The following PDLIM5 variants were observed in gnomAD, a reference collection of about 807,000 sequenced individuals.
PDLIM5 encodes the protein PDZ and LIM domain 5.
Under a neutral mutation model 64.2 loss-of-function variants are expected in PDLIM5, and 34 were observed. That is an observed-to-expected ratio of 0.53 (90% CI 0.40 to 0.71). PDLIM5 has a LOEUF of 0.71. PDLIM5 is among the 30% of genes least tolerant of loss of function. PDLIM5 has a pLI of 0.00. For synonymous variants in PDLIM5, 253 were observed against 269.1 expected, an observed-to-expected ratio of 0.94 and a Z score of 0.59; for missense variants, 683 against 733.6, an observed-to-expected ratio of 0.93 and a Z score of 0.80.
intron 2 of PDLIM5, among the ~76,000 whole-genome samples, chr4:94,510,308 A>G (rs937093421): frequency 6.6e-6 from 1 of 152,272 alleles, no homozygotes; most frequent in African/African-American, 2.4e-5. Context: ...TGTTTGCTGG[A>G]TAAGACAAGA....
In PDLIM5 at chr4:94,559,263, G is replaced by T. The variant is rs1007414519; in HGVS notation, c.249-14088G>T. 2.6e-5 allele frequency among the ~76,000 whole-genome samples: 4 copies of T among 152,058 alleles called. No individual in the cohort carries two copies. In the East Asian group the frequency reaches 7.7e-4, roughly 29 times the overall value. On this transcript the variant is annotated intron_variant, in intron 3 of 12. Coordinates refer to ENST00000317968, the MANE Select transcript of PDLIM5 (RefSeq NM_006457.5). The stretch of plus-strand genomic sequence containing the variant: ...CTAGGTTATAACAGATGTTTTTGGT[G>T]GCTCTGAGATGGAAAGTTGTAATTA...
At chr4:94,631,068 T>C (rs963616572) in intron 8 of PDLIM5, among the ~76,000 whole-genome samples, 1 of 144,844 alleles carries the variant, frequency 6.9e-6, no homozygotes, top group Non-Finnish European at 1.5e-5. Context: ...TGCCAAACTT[T>C]TTTTTTTTTT....
At chr4:94,455,578 T>C in intron 2 of PDLIM5, 194 bp downstream of exon 2, 1 of 630,652 alleles carries the variant, frequency 1.6e-6, no homozygotes, top group African/African-American at 1.8e-5. Flanking sequence ...TCAATTTAAC[T>C]TCTTTTCGTT....
intron 9 of PDLIM5, 50 bp downstream of exon 9, chr4:94,640,500 GTTTT>G (rs10716970): frequency 9.5e-4 from 710 of 750,576 alleles, no homozygotes; most frequent in East Asian, 3.3e-3. Flanking sequence ...TCAATGTTGG[GTTTT>G]TTTTTTTTTT....
At chr4:94,558,968 C>T (rs937790286) in intron 3 of PDLIM5, among the ~76,000 whole-genome samples, 11 of 152,030 alleles carry the variant, frequency 7.2e-5, no homozygotes, top group Admixed American at 6.6e-4. Context: ...TCAGTTATAG[C>T]AGTCATAAAT....
Position 94,665,124 on chromosome 4 carries a change from C to G in PDLIM5, c.*1057C>G. The G allele has an allele frequency of 1.0e-6, 1 of 958,038 alleles. No homozygotes were observed. The highest frequency in any genetic ancestry group is 4.8e-5 in the South Asian group (1 of 20,912). 59.3% of individuals were successfully genotyped at this position (958,038 alleles called of 1,614,324 possible). A position where few individuals can be genotyped will look rare whatever the true frequency, so the allele number is the denominator to read the frequency against. ...TATTAGGCAAATTCCATTTTTTTCC[C>G]TTGTGCTAAGGTAAAGATTTAATTA... On this transcript the variant is annotated 3_prime_UTR_variant, in exon 13 of 13. Coordinates refer to ENST00000317968, the MANE Select transcript of PDLIM5 (RefSeq NM_006457.5).
intron 2 of PDLIM5, among the ~76,000 whole-genome samples, chr4:94,483,041 A>G (rs1245096048): frequency 6.6e-6 from 1 of 152,248 alleles, no homozygotes; most frequent in Non-Finnish European, 1.5e-5. Context: ...TATCTAAATT[A>G]GAGAGGAAAT....
chr4:94,566,364 C>A (rs1020945804), intron 3 of PDLIM5, among the ~76,000 whole-genome samples: 1 of 152,132 alleles, frequency 6.6e-6, no homozygotes, highest in Non-Finnish European at 1.5e-5. Context: ...TCTTGCTTAT[C>A]TCTAGGTTTT....
intron 2 of PDLIM5, among the ~76,000 whole-genome samples, chr4:94,491,739 T>G (rs536084975): frequency 5.9e-5 from 9 of 152,122 alleles, no homozygotes; most frequent in Admixed American, 1.3e-4. Flanking sequence ...TTAACCTACT[T>G]TAAAATATTC....
At chr4:94,565,850 A>C (rs1734273133) in intron 3 of PDLIM5, among the ~76,000 whole-genome samples, 1 of 152,194 alleles carries the variant, frequency 6.6e-6, no homozygotes, top group Non-Finnish European at 1.5e-5. Context: ...CATATTGTAC[A>C]GTCTGTAAAG....
At chr4:94,567,807 T>C (rs1467563207) in intron 3 of PDLIM5, among the ~76,000 whole-genome samples, 1 of 152,212 alleles carries the variant, frequency 6.6e-6, no homozygotes, top group African/African-American at 2.4e-5. Flanking sequence ...CTTAAAATGT[T>C]ATTCTAGTCC....
chr4:94,606,910 G>A (rs989074695), intron 7 of PDLIM5, among the ~76,000 whole-genome samples: 2 of 152,154 alleles, frequency 1.3e-5, no homozygotes, highest in African/African-American at 4.8e-5. Flanking sequence ...TATAATTTTT[G>A]TGTGTCATTG....
chr4:94,593,469 A>G (rs1180879706), intron 7 of PDLIM5, among the ~76,000 whole-genome samples: 1 of 151,996 alleles, frequency 6.6e-6, no homozygotes, highest in Non-Finnish European at 1.5e-5. Context: ...ACGGTTGTGT[A>G]TGGCCACTGT....
chr4:94,480,739 G>A (rs1725775650), intron 2 of PDLIM5, among the ~76,000 whole-genome samples: 1 of 152,184 alleles, frequency 6.6e-6, no homozygotes, highest in Admixed American at 6.5e-5. Flanking sequence ...AGCAGAGAGA[G>A]GAAGGGAGCC....
chr4:94,579,501 A>G lies in PDLIM5; in HGVS notation c.710+3467A>G, dbSNP rs781619404. ...AAAATGATGTGGTAGTAATATTTTA[A>G]AATACTTTTCTCTTTGCAGAAAACA... On this transcript the variant is annotated intron_variant, in intron 5 of 12. Transcript: ENST00000317968. 49 of 1,296,112 alleles carry G rather than the reference A, an allele frequency of 3.8e-5. No homozygotes were observed. The African/African-American group carries it at 6.6e-4, about 17-fold the overall frequency. The allele number at this position is 1,296,112 out of a possible 1,614,324, so 80.3% of individuals were successfully genotyped here.
chr4:94,522,341 AAACAT>A (rs1729905207), intron 2 of PDLIM5, among the ~76,000 whole-genome samples: 1 of 152,154 alleles, frequency 6.6e-6, no homozygotes, highest in South Asian at 2.1e-4. Flanking sequence ...GTGATAAAAT[AAACAT>A]AACATAAAAG....
chr4:94,563,338 T>G (rs1255356846), intron 3 of PDLIM5, among the ~76,000 whole-genome samples: 4 of 152,230 alleles, frequency 2.6e-5, no homozygotes, highest in Non-Finnish European at 4.4e-5. Flanking sequence ...GGCCTATGTA[T>G]GGCTAAAGTA....
At chr4:94,607,805 C>G (rs1738048393) in intron 7 of PDLIM5, among the ~76,000 whole-genome samples, 1 of 152,072 alleles carries the variant, frequency 6.6e-6, no homozygotes. Context: ...ACCTCCTTTT[C>G]CCCTGTAAGC....
chr4:94,654,237 T>C (rs1014577621), intron 9 of PDLIM5, among the ~76,000 whole-genome samples: 1 of 152,166 alleles, frequency 6.6e-6, no homozygotes, highest in Non-Finnish European at 1.5e-5. Context: ...GGGAGTGCCC[T>C]TTCTTGAAGG....
Sources: allele counts gnomAD v4.1 joint callset (sites outside exome capture counted in the v4.1 genomes callset), GRCh38; gene constraint gnomAD v4.1.1; transcripts MANE v1.5; gene names NCBI Gene and HGNC (gene_info 2026-07-23, HGNC 2026-07-21).